Variants in CSGALNACT1 observed in about 807,000 individuals in gnomAD.
CSGALNACT1 encodes beta4GalNAcT-1.
Under a neutral mutation model 51.0 loss-of-function variants are expected in CSGALNACT1, and 52 were observed. The ratio of observed to expected loss-of-function variants is 1.02; its 90% CI spans 0.82 to 1.29. CSGALNACT1 has a LOEUF of 1.29. Among genes scored for constraint, CSGALNACT1 ranks in the 50% most tolerant of loss-of-function variants. The pLI, the probability that CSGALNACT1 is intolerant of heterozygous loss-of-function variation, is 0.00. For missense variants in CSGALNACT1, 935 were observed against 679.2 expected (o/e 1.38, Z -4.19); for synonymous variants, 341 against 254.4 (o/e 1.34, Z -3.24).
At chr8:19,551,652 A>G (rs1476411834) in intron 3 of CSGALNACT1, among the ~76,000 whole-genome samples, 2 of 151,924 alleles carry the variant, frequency 1.3e-5, no homozygotes, top group Non-Finnish European at 2.9e-5. Flanking sequence ...CCACCAATCA[A>G]TCTGCTTTGG....
chr8:19,688,518 G>T (rs2061106113), intron 1 of CSGALNACT1, among the ~76,000 whole-genome samples: 1 of 152,176 alleles, frequency 6.6e-6, no homozygotes, highest in African/African-American at 2.4e-5. Context: ...CATTGTATAT[G>T]TGCTGTGCCA....
At chr8:19,567,353 A>G (rs1428718587) in intron 3 of CSGALNACT1, among the ~76,000 whole-genome samples, 5 of 152,212 alleles carry the variant, frequency 3.3e-5, no homozygotes, top group Admixed American at 2.6e-4. Flanking sequence ...CTAAGTAATA[A>G]AAGTCAATCC....
chr8:19,752,358 T>A (rs894574709), intron 1 of CSGALNACT1, among the ~76,000 whole-genome samples: 1 of 152,090 alleles, frequency 6.6e-6, no homozygotes, highest in Non-Finnish European at 1.5e-5. Flanking sequence ...CACTCTCTGT[T>A]GACCAGGCTG....
At chr8:19,689,829 T>G (rs910040351) in intron 1 of CSGALNACT1, among the ~76,000 whole-genome samples, 2 of 152,232 alleles carry the variant, frequency 1.3e-5, no homozygotes, top group African/African-American at 4.8e-5. Context: ...TCCCCTGTGC[T>G]TGAACCCTTA....
At chr8:19,675,150 G>C (rs113432505) in intron 1 of CSGALNACT1, among the ~76,000 whole-genome samples, 2 of 152,194 alleles carry the variant, frequency 1.3e-5, no homozygotes, top group African/African-American at 4.8e-5. Flanking sequence ...AGCTATCATG[G>C]TAAGTGCCCA....
At position 19,638,991 on chromosome 8, in the gene CSGALNACT1, G is replaced by GT. The variant is rs892020542; in HGVS notation, c.-543-37127dup. On this transcript the variant is annotated intron_variant, in intron 1 of 9. Transcript: ENST00000332246. ...TGCCTACTTTCTGTGTTCTTTTTCT[G>GT]TTTTTTTATGGCTCACCAATAAAGA... is the stretch of plus-strand genomic sequence containing the variant. Among the ~76,000 whole-genome samples, 8 of 151,926 alleles carry GT rather than the reference G, an allele frequency of 5.3e-5. No individual in the cohort carries two copies. The South Asian group carries it at 6.2e-4, about 12-fold the overall frequency.
At chr8:19,542,818 T>C (rs1009674835) in intron 3 of CSGALNACT1, among the ~76,000 whole-genome samples, 7 of 152,288 alleles carry the variant, frequency 4.6e-5, no homozygotes, top group Middle Eastern at 3.4e-3. Flanking sequence ...ACGGCATAAA[T>C]GGCTCTAAAG....
At chr8:19,468,857 T>G (rs1349002536) in intron 4 of CSGALNACT1, among the ~76,000 whole-genome samples, 1 of 152,142 alleles carries the variant, frequency 6.6e-6, no homozygotes, top group African/African-American at 2.4e-5. Flanking sequence ...GCTGTGGATG[T>G]GGGTCAGGTC....
chr8:19,730,082 C>G (rs1369827211), intron 1 of CSGALNACT1, among the ~76,000 whole-genome samples: 1 of 152,128 alleles, frequency 6.6e-6, no homozygotes, highest in Non-Finnish European at 1.5e-5. Flanking sequence ...CTGATAGCGC[C>G]CATGCAATGT....
intron 2 of CSGALNACT1, among the ~76,000 whole-genome samples, chr8:19,594,605 G>A (rs561962338): frequency 9.2e-5 from 14 of 152,242 alleles, no homozygotes; most frequent in South Asian, 4.1e-4. Flanking sequence ...GTGCAATGGC[G>A]TGATCTCTGC....
intron 1 of CSGALNACT1, among the ~76,000 whole-genome samples, chr8:19,690,685 G>A (rs1040398330): frequency 6.6e-6 from 1 of 152,208 alleles, no homozygotes; most frequent in Non-Finnish European, 1.5e-5. Context: ...TGCAGATGGA[G>A]CAATAACGAT....
intron 1 of CSGALNACT1, among the ~76,000 whole-genome samples, chr8:19,657,941 G>C (rs2058428902): frequency 6.6e-6 from 1 of 151,952 alleles, no homozygotes; most frequent in African/African-American, 2.4e-5. Context: ...GCATCAGCTT[G>C]GTGGTCTAAC....
intron 1 of CSGALNACT1, among the ~76,000 whole-genome samples, chr8:19,618,556 T>C (rs2053355016): frequency 2.2e-5 from 3 of 138,782 alleles, no homozygotes; most frequent in Admixed American, 7.9e-5. Flanking sequence ...AGGAGAATCG[T>C]TTTAACCTGG....
At chr8:19,696,648 G>C (rs1005286197) in intron 1 of CSGALNACT1, among the ~76,000 whole-genome samples, 1 of 152,144 alleles carries the variant, frequency 6.6e-6, no homozygotes, top group Non-Finnish European at 1.5e-5. Context: ...AAGACATTCA[G>C]CCTCTCTATG....
At chr8:19,502,651 C>T (rs1005450257) in intron 4 of CSGALNACT1, among the ~76,000 whole-genome samples, 3 of 152,122 alleles carry the variant, frequency 2.0e-5, no homozygotes, top group Non-Finnish European at 4.4e-5. Flanking sequence ...ATTACTGAAA[C>T]CCAAAACCTC....
chr8:19,567,073 A>G (rs111341828), intron 3 of CSGALNACT1, among the ~76,000 whole-genome samples: 23 of 152,298 alleles, frequency 1.5e-4, no homozygotes, highest in African/African-American at 4.8e-4. Flanking sequence ...TCACTGGTCA[A>G]TGCAAACACT....
chr8:19,474,794 G>A (rs1466007867), intron 4 of CSGALNACT1, among the ~76,000 whole-genome samples: 1 of 150,558 alleles, frequency 6.6e-6, no homozygotes, highest in Non-Finnish European at 1.5e-5. Flanking sequence ...TTGAACCTGG[G>A]AGGCGGAGGT....
exon 1 of CSGALNACT1, chr8:19,682,533 T>C (rs2060697334): frequency 2.4e-6 from 1 of 423,994 alleles, no homozygotes. Context: ...CGTATGGTCT[T>C]TCCCGGTCTT....
At chr8:19,421,072 G>A (rs1254582978) in intron 6 of CSGALNACT1, among the ~76,000 whole-genome samples, 1 of 152,238 alleles carries the variant, frequency 6.6e-6, no homozygotes, top group Non-Finnish European at 1.5e-5. Flanking sequence ...TGACCAACTT[G>A]CAGTTAGAAG....
Sources: allele counts gnomAD v4.1 joint callset (sites outside exome capture counted in the v4.1 genomes callset), GRCh38; gene constraint gnomAD v4.1.1; transcripts MANE v1.5; gene names NCBI Gene and HGNC (gene_info 2026-07-23, HGNC 2026-07-21).